The following ERC2 variants were observed in gnomAD, a reference collection of about 807,000 sequenced individuals.
ERC2 encodes ELKS/RAB6-interacting/CAST family member 2.
Under a neutral mutation model 114.8 loss-of-function variants are expected in ERC2, and 42 were observed. That is an observed-to-expected ratio of 0.37 (90% CI 0.29 to 0.47). The LOEUF (loss-of-function observed/expected upper bound fraction) is 0.47. Ranked by LOEUF, ERC2 falls within the 20% of genes least tolerant of loss-of-function variation. The pLI, the probability that ERC2 is intolerant of heterozygous loss-of-function variation, is 0.99. For synonymous variants in ERC2, 454 were observed against 425.5 expected (o/e 1.07, Z -0.82); for missense variants, 939 against 1,150.7 (o/e 0.82, Z 2.66).
rs183929202 is a variant in ERC2, at chr3:55,926,042, T to C, written c.2403+24383A>G. On this transcript the variant is annotated intron_variant, in intron 13 of 17. Coordinates refer to ENST00000288221, the MANE Select transcript of ERC2 (RefSeq NM_015576.3). ...TCCAATGACCCACCCAGAAAAGAGA[T>C]TTGAGTGGGTGGGCACCCATTTACT... Among the ~76,000 whole-genome samples the C allele has an allele frequency of 1.4e-4, 22 of 152,242 alleles. 1 individual carries two copies. The highest frequency in any genetic ancestry group is 3.4e-3 in the Middle Eastern group (1 of 292).
intron 14 of ERC2, among the ~76,000 whole-genome samples, chr3:55,836,633 C>A (rs2149203968): frequency 6.6e-6 from 1 of 152,142 alleles, no homozygotes; most frequent in Admixed American, 6.5e-5. Flanking sequence ...AAACGTTAGA[C>A]CTAAAACCAT....
intron 7 of ERC2, among the ~76,000 whole-genome samples, chr3:56,036,615 T>C (rs758100687): frequency 6.6e-6 from 1 of 152,046 alleles, no homozygotes; most frequent in Non-Finnish European, 1.5e-5. Context: ...GTGCAACCCA[T>C]GGAGAGTGAG....
intron 6 of ERC2, among the ~76,000 whole-genome samples, chr3:56,096,806 T>C (rs985290115): frequency 6.6e-6 from 1 of 152,186 alleles, no homozygotes; most frequent in Non-Finnish European, 1.5e-5. Flanking sequence ...CAAGTGTAAA[T>C]AACACCTTCC....
chr3:56,237,869 A>C, intron 3 of ERC2, among the ~76,000 whole-genome samples: 1 of 142,782 alleles, frequency 7.0e-6, no homozygotes, highest in Middle Eastern at 3.2e-3. Context: ...TATTTAAATG[A>C]TTTCTGCCTT....
intron 3 of ERC2, chr3:56,173,944 C>T (rs1560306761): frequency 6.1e-6 from 1 of 162,838 alleles, no homozygotes; most frequent in Non-Finnish European, 1.3e-5. Context: ...CATTTTGCTA[C>T]CGAGGCAGGT....
chr3:55,739,707 G>T (rs2362850), intron 14 of ERC2, among the ~76,000 whole-genome samples: 32,498 of 151,938 alleles, frequency 0.21, 3,991 homozygotes, highest in Admixed American at 0.31. Context: ...TCTGTAGGTT[G>T]CCTGTTCACT....
At chr3:56,447,945 T>G in intron 1 of ERC2, among the ~76,000 whole-genome samples, 1 of 151,964 alleles carries the variant, frequency 6.6e-6, no homozygotes, top group Non-Finnish European at 1.5e-5. Flanking sequence ...GCTTTGACAT[T>G]TTGTTCAGGC....
intron 2 of ERC2, among the ~76,000 whole-genome samples, chr3:56,342,097 T>G (rs1560627513): frequency 6.6e-6 from 1 of 152,190 alleles, no homozygotes; most frequent in Non-Finnish European, 1.5e-5. Context: ...TCCCTTCATG[T>G]GAGGAACATA....
chr3:55,919,027 A>G (rs537019946), intron 13 of ERC2, among the ~76,000 whole-genome samples: 56 of 152,262 alleles, frequency 3.7e-4, no homozygotes, highest in African/African-American at 1.3e-3. Context: ...CATTGTTTGC[A>G]AAAGGAAAAA....
intron 17 of ERC2, among the ~76,000 whole-genome samples, chr3:55,631,956 T>C (rs1205267884): frequency 6.6e-6 from 1 of 152,224 alleles, no homozygotes; most frequent in Non-Finnish European, 1.5e-5. Context: ...CCCTGGAACA[T>C]ATGCAGAAAC....
chr3:56,104,633 A>AT (rs11332087), intron 6 of ERC2, among the ~76,000 whole-genome samples: 14 of 148,704 alleles, frequency 9.4e-5, no homozygotes, highest in African/African-American at 3.0e-4. Context: ...TAGATCCTGT[A>AT]TTTTTTTTTT....
intron 14 of ERC2, among the ~76,000 whole-genome samples, chr3:55,864,994 C>T (rs2062233699): frequency 6.6e-6 from 1 of 152,170 alleles, no homozygotes; most frequent in Admixed American, 6.5e-5. Flanking sequence ...CCCACTTCTT[C>T]ACCTGTTGAA....
chr3:55,621,645 G>A (rs1368776355), intron 17 of ERC2, among the ~76,000 whole-genome samples: 1 of 152,188 alleles, frequency 6.6e-6, no homozygotes, highest in Non-Finnish European at 1.5e-5. Flanking sequence ...GGACAGTCAT[G>A]CACAGCAAAT....
At chr3:55,626,514 T>C (rs1208185322) in intron 17 of ERC2, among the ~76,000 whole-genome samples, 1 of 152,234 alleles carries the variant, frequency 6.6e-6, no homozygotes, top group Non-Finnish European at 1.5e-5. Flanking sequence ...ATGCAACTCA[T>C]TAGCATTACA....
intron 17 of ERC2, among the ~76,000 whole-genome samples, chr3:55,565,850 C>T (rs2056334063): frequency 6.6e-6 from 1 of 152,194 alleles, no homozygotes. Context: ...GATGTAAATA[C>T]TCTGTCTGCA....
intron 16 of ERC2, among the ~76,000 whole-genome samples, chr3:55,684,149 A>C (rs1356662818): frequency 6.6e-6 from 1 of 152,228 alleles, no homozygotes; most frequent in Admixed American, 6.5e-5. Flanking sequence ...ATTAGTCTAC[A>C]TTAGCAGATG....
chr3:56,247,223 CG>C lies in ERC2; in HGVS notation c.1074+48795del, dbSNP rs371655985. ...ACAGCAAACATTAATTTCAACTAAG[CG>C]GGGGGTGGGGATCCCAACTCTTATG... is the stretch of plus-strand genomic sequence containing the variant. On this transcript the variant is annotated intron_variant, in intron 3 of 17. Transcript: ENST00000288221. Among the ~76,000 whole-genome samples, 44 of 152,172 alleles carry C rather than the reference CG, an allele frequency of 2.9e-4. No individual in the cohort carries two copies. In the South Asian group the frequency reaches 5.8e-3, roughly 20 times the overall value.
intron 12 of ERC2, among the ~76,000 whole-genome samples, chr3:55,983,392 AATACAGAG>A (rs1448053283): frequency 6.6e-6 from 1 of 152,216 alleles, no homozygotes; most frequent in Non-Finnish European, 1.5e-5. Flanking sequence ...CCCCGAGTAC[AATACAGAG>A]ATCCTGACAA....
intron 13 of ERC2, among the ~76,000 whole-genome samples, chr3:55,904,083 C>T (rs1225562863): frequency 6.6e-6 from 1 of 152,180 alleles, no homozygotes; most frequent in Non-Finnish European, 1.5e-5. Flanking sequence ...AAAGCCTTGC[C>T]TATGAGACAT....
Sources: allele counts gnomAD v4.1 joint callset (sites outside exome capture counted in the v4.1 genomes callset), GRCh38; gene constraint gnomAD v4.1.1; transcripts MANE v1.5; gene names NCBI Gene and HGNC (gene_info 2026-07-23, HGNC 2026-07-21).